The following SGCD variants were observed in gnomAD, a reference collection of about 807,000 sequenced individuals.
The protein encoded by SGCD is sarcoglycan delta, also known as delta-sarcoglycan.
In SGCD, 18 loss-of-function variants were observed where a neutral mutation model predicts 36.6. The ratio of observed to expected loss-of-function variants is 0.49; its 90% CI spans 0.34 to 0.73. The LOEUF is 0.73. Ranked by LOEUF, SGCD falls within the 30% of genes least tolerant of loss-of-function variation. The probability of loss-of-function intolerance (pLI) is 0.01; values close to 1 mark genes in which losing one functional copy is unlikely to be tolerated. For synonymous variants in SGCD, 133 were observed against 130.6 expected (o/e 1.02, Z -0.12); for missense variants, 387 against 346.7 (o/e 1.12, Z -0.92).
At chr5:156,207,593 A>T (rs1185905161) in intron 3 of SGCD, among the ~76,000 whole-genome samples, 1 of 152,182 alleles carries the variant, frequency 6.6e-6, no homozygotes, top group Non-Finnish European at 1.5e-5. Flanking sequence ...TTGGTGCAAA[A>T]GTAACTGCAG....
At chr5:156,441,896 AT>A (rs1377733510) in intron 3 of SGCD, among the ~76,000 whole-genome samples, 2 of 152,140 alleles carry the variant, frequency 1.3e-5, no homozygotes, top group African/African-American at 4.8e-5. Context: ...GAAATGGCTG[AT>A]TTGCGTGGAA....
In SGCD at chr5:156,031,681, A is replaced by T. The variant is rs144837473; in HGVS notation, c.-281-86197A>T. Among the ~76,000 whole-genome samples the T allele has an allele frequency of 3.9e-4, 60 of 152,340 alleles. 3 individuals carry two copies. The East Asian group carries it at 0.01, about 25-fold the overall frequency. On this transcript the variant is annotated intron_variant, in intron 1 of 9. Transcript: ENST00000517913. Reference sequence around the variant, plus strand: ...ATAATAGCTAAGATTTATCAAGTGTATGATGTATGTCAGGCATTTTGCACG... The same window carrying T: ...ATAATAGCTAAGATTTATCAAGTGTTTGATGTATGTCAGGCATTTTGCACG...
chr5:156,746,488 TA>T (rs1228409288), intron 7 of SGCD, among the ~76,000 whole-genome samples: 1 of 152,204 alleles, frequency 6.6e-6, no homozygotes, highest in Non-Finnish European at 1.5e-5. Flanking sequence ...CTTGCAGGAT[TA>T]AAGAATACAG....
chr5:156,426,498 T>G (rs74513716), intron 3 of SGCD, among the ~76,000 whole-genome samples: 2,086 of 152,244 alleles, frequency 0.014, 30 homozygotes, highest in African/African-American at 0.039. Context: ...TTGCAGATAT[T>G]TTCTCCCACA....
chr5:156,402,235 A>C (rs1244708250), intron 3 of SGCD, among the ~76,000 whole-genome samples: 1 of 152,214 alleles, frequency 6.6e-6, no homozygotes, highest in Non-Finnish European at 1.5e-5. Context: ...ATTCATGCAC[A>C]AATATCTGTT....
intron 3 of SGCD, among the ~76,000 whole-genome samples, chr5:156,502,717 T>C (rs182825649): frequency 6.6e-5 from 10 of 152,308 alleles, no homozygotes; most frequent in Admixed American, 6.5e-4. Flanking sequence ...ACTCCAATCT[T>C]AATAATACCC....
At chr5:156,503,339 G>A (rs1290382822) in intron 3 of SGCD, among the ~76,000 whole-genome samples, 1 of 152,160 alleles carries the variant, frequency 6.6e-6, no homozygotes, top group Non-Finnish European at 1.5e-5. Flanking sequence ...TTCTGATTAT[G>A]TCTGGGGGTG....
At chr5:156,286,999 G>A (rs1210494906) in intron 3 of SGCD, among the ~76,000 whole-genome samples, 1 of 152,066 alleles carries the variant, frequency 6.6e-6, no homozygotes, top group East Asian at 1.9e-4. Context: ...TTGTGAATAA[G>A]AGAGACAAAA....
chr5:156,691,191 A>AGC (rs1200766341), intron 7 of SGCD, among the ~76,000 whole-genome samples: 1 of 100,518 alleles, frequency 9.9e-6, no homozygotes, highest in African/African-American at 4.2e-5. Context: ...TGGGCAACAG[A>AGC]GCGAGACTCT....
chr5:155,750,403 G>T, the SGCD span, among the ~76,000 whole-genome samples: 1 of 152,130 alleles, frequency 6.6e-6, no homozygotes, highest in Non-Finnish European at 1.5e-5. Flanking sequence ...AGAGACCAGA[G>T]CCTGCATATT....
chr5:155,849,834 C>T, the SGCD span, among the ~76,000 whole-genome samples: 2 of 152,110 alleles, frequency 1.3e-5, no homozygotes, highest in African/African-American at 4.8e-5. Flanking sequence ...GGCAGAAGTA[C>T]AAATGTTAGT....
At chr5:156,051,943 T>C (rs2127581367) in intron 1 of SGCD, among the ~76,000 whole-genome samples, 1 of 146,038 alleles carries the variant, frequency 6.8e-6, no homozygotes, top group East Asian at 1.9e-4. Context: ...TATGATGTTG[T>C]GTCAGGCCTT....
chr5:156,187,786 T>C (rs1763799383), intron 3 of SGCD, among the ~76,000 whole-genome samples: 1 of 152,088 alleles, frequency 6.6e-6, no homozygotes, highest in African/African-American at 2.4e-5. Flanking sequence ...CCAGAGATGA[T>C]GTAATGAAAA....
At chr5:156,061,708 C>G (rs1760211244) in intron 1 of SGCD, among the ~76,000 whole-genome samples, 3 of 145,306 alleles carry the variant, frequency 2.1e-5, no homozygotes, top group Non-Finnish European at 1.6e-5. Flanking sequence ...AAACTAGGAA[C>G]AGGAGAAATT....
intron 1 of SGCD, among the ~76,000 whole-genome samples, chr5:156,076,962 T>C (rs570327230): frequency 6.6e-6 from 1 of 152,236 alleles, no homozygotes; most frequent in Non-Finnish European, 1.5e-5. Flanking sequence ...AAGCTTTATA[T>C]ACAATGTTTG....
At chr5:155,831,804 C>T in the SGCD span, among the ~76,000 whole-genome samples, 39 of 152,272 alleles carry the variant, frequency 2.6e-4, no homozygotes, top group Non-Finnish European at 1.3e-4. Flanking sequence ...ATGAGTGGTG[C>T]TCTGCCTGAT....
intron 3 of SGCD, among the ~76,000 whole-genome samples, chr5:156,142,559 C>T (rs767098551): frequency 1.4e-4 from 21 of 152,226 alleles, no homozygotes; most frequent in African/African-American, 3.6e-4. Context: ...ACAGCGAAGT[C>T]CAGGCTGAGG....
At chr5:156,449,882 T>A (rs148760292) in intron 3 of SGCD, among the ~76,000 whole-genome samples, 1 of 151,496 alleles carries the variant, frequency 6.6e-6, no homozygotes, top group African/African-American at 2.4e-5. Context: ...AGAAACTTTT[T>A]CGACTTCAGA....
intron 1 of SGCD, among the ~76,000 whole-genome samples, chr5:155,998,476 C>T (rs2127567140): frequency 6.6e-6 from 1 of 152,270 alleles, no homozygotes; most frequent in African/African-American, 2.4e-5. Flanking sequence ...ATTTTCCCTT[C>T]TTCCTGGGTT....
Sources: gnomAD v4.1 joint callset for allele counts (sites outside exome capture counted in the v4.1 genomes callset) on GRCh38, gnomAD v4.1.1 for gene constraint, MANE v1.5 for transcripts, NCBI Gene and HGNC (gene_info 2026-07-23, HGNC 2026-07-21) for gene names.